Variants in LRRC20 observed in about 807,000 individuals in gnomAD.
LRRC20 encodes leucine rich repeat containing 20.
A neutral mutation model predicts 14.4 loss-of-function variants in LRRC20; 11 were observed. The observed-to-expected ratio is 0.77, with a 90% CI of 0.48 to 1.27. The LOEUF is 1.27. Among genes scored for constraint, LRRC20 ranks in the 50% most tolerant of loss-of-function variants. LRRC20 has a pLI of 0.00. For missense variants in LRRC20, 219 were observed against 251.2 expected, an observed-to-expected ratio of 0.87 and a Z score of 0.87; for synonymous variants, 121 against 107.3, an observed-to-expected ratio of 1.13 and a Z score of -0.79.
intron 4 of LRRC20, among the ~76,000 whole-genome samples, chr10:70,311,839 C>G (rs1157205251): frequency 1.3e-5 from 2 of 152,210 alleles, no homozygotes; most frequent in African/African-American, 4.8e-5. Flanking sequence ...GGACTCCCAC[C>G]TATGTCTGTG....
chr10:70,365,309 C>T (rs1843940425), intron 2 of LRRC20, among the ~76,000 whole-genome samples: 3 of 152,284 alleles, frequency 2.0e-5, no homozygotes, highest in African/African-American at 4.8e-5. Flanking sequence ...CCACCCACCT[C>T]GGCCTCCCAA....
chr10:70,324,438 C>G (rs1407332078), intron 3 of LRRC20, among the ~76,000 whole-genome samples: 1 of 152,264 alleles, frequency 6.6e-6, no homozygotes, highest in Non-Finnish European at 1.5e-5. Flanking sequence ...GGGGACACCA[C>G]TCTCCATGGC....
rs536057074 is a variant in LRRC20, at chr10:70,324,131, G to A, written c.233-101C>T. On this transcript the variant is annotated intron_variant, in intron 3 of 4. Transcript: ENST00000446961. ...GCTCTCACCCTGCCTGGGCCAGGAAGGCACAGAGGAAGCCCTAGGCCACAG... is the reference window on the plus strand; with the variant it reads ...GCTCTCACCCTGCCTGGGCCAGGAAAGCACAGAGGAAGCCCTAGGCCACAG... 9 of 1,110,196 alleles carry A rather than the reference G, an allele frequency of 8.1e-6. No individual in the cohort carries two copies. The African/African-American group carries it at 1.1e-4, about 13-fold the overall frequency. 68.8% of individuals were successfully genotyped at this position (1,110,196 alleles called of 1,614,324 possible).
At chr10:70,315,456 C>T (rs1459934763) in intron 4 of LRRC20, among the ~76,000 whole-genome samples, 1 of 152,210 alleles carries the variant, frequency 6.6e-6, no homozygotes, top group Non-Finnish European at 1.5e-5. Flanking sequence ...GAAAGTCACA[C>T]AGCACAAGAT....
At chr10:70,330,651 C>A (rs150256495) in intron 3 of LRRC20, among the ~76,000 whole-genome samples, 145 of 152,242 alleles carry the variant, frequency 9.5e-4, no homozygotes, top group African/African-American at 3.4e-3. Flanking sequence ...CACAGAAAGG[C>A]CTTGAATTAG....
At chr10:70,382,016 G>C (rs916991358) in intron 1 of LRRC20, 1 of 152,260 alleles carries the variant, frequency 6.6e-6, no homozygotes, top group South Asian at 2.1e-4. Flanking sequence ...CCGCTGGCCC[G>C]GCAGGCGGGG....
chr10:70,319,309 T>C (rs938529677), intron 4 of LRRC20, among the ~76,000 whole-genome samples: 3 of 152,152 alleles, frequency 2.0e-5, no homozygotes, highest in African/African-American at 7.2e-5. Context: ...CACCCTCACA[T>C]GTTCCAGGAT....
intron 3 of LRRC20, among the ~76,000 whole-genome samples, chr10:70,329,692 G>A (rs184629542): frequency 6.6e-6 from 1 of 151,862 alleles, no homozygotes; most frequent in Non-Finnish European, 1.5e-5. Flanking sequence ...CTCCCGAGTA[G>A]CTGGGATTAC....
At chr10:70,362,221 A>C (rs116071360) in intron 2 of LRRC20, among the ~76,000 whole-genome samples, 1,831 of 152,350 alleles carry the variant, frequency 0.012, 49 homozygotes, top group African/African-American at 0.042. Flanking sequence ...GCCTTAAAGT[A>C]TAAGAAGGGC....
intron 1 of LRRC20, among the ~76,000 whole-genome samples, chr10:70,377,811 A>G (rs529922034): frequency 1.5e-3 from 233 of 152,374 alleles, no homozygotes; most frequent in African/African-American, 5.3e-3. Flanking sequence ...TCAGGGAGTT[A>G]CTGTGAGTTT....
chr10:70,323,857 A>C lies in LRRC20; in HGVS notation c.400+6T>G. The C allele has an allele frequency of 1.2e-6, 2 of 1,613,862 alleles. No homozygotes were observed. Among genetic ancestry groups the C allele is most frequent in the Non-Finnish European group, 1.7e-6 (2 of 1,179,916 alleles). On this transcript the variant is annotated splice_donor_region_variant and intron_variant, in intron 4 of 4. Coordinates refer to ENST00000446961, the MANE Select transcript of LRRC20 (RefSeq NM_001278212.2). ...GCCCAGGGCCAGGTGGGCCAGGCCC[A>C]CTCACCTACGATCTCGTTCTCCTCC...
chr10:70,309,938 G>T (rs1316078080), intron 4 of LRRC20, among the ~76,000 whole-genome samples: 3 of 152,252 alleles, frequency 2.0e-5, no homozygotes, highest in African/African-American at 7.2e-5. Context: ...GTCTCGGCTT[G>T]CTGTTTCCAC....
chr10:70,362,270 AG>A (rs1221354196), intron 2 of LRRC20, among the ~76,000 whole-genome samples: 7 of 152,252 alleles, frequency 4.6e-5, no homozygotes, highest in Admixed American at 4.6e-4. Flanking sequence ...TCCCAGGCAA[AG>A]GGAACAGTAT....
chr10:70,301,592 C>G, intron 4 of LRRC20, 84 bp from the exon 5 acceptor site: 2 of 1,495,150 alleles, frequency 1.3e-6, no homozygotes, highest in Non-Finnish European at 9.1e-7. Flanking sequence ...GGACTCTGAG[C>G]ACCTGATGGT....
chr10:70,353,778 A>T lies in LRRC20; in HGVS notation c.83-13076T>A, dbSNP rs567972616. ...AGGGTTTGCTCCTAACCACCATGCT[A>T]CACTGCCTCCCTAGAATATGTAACC... is the stretch of plus-strand genomic sequence containing the variant. On this transcript the variant is annotated intron_variant, in intron 2 of 4. Coordinates refer to ENST00000446961, the MANE Select transcript of LRRC20 (RefSeq NM_001278212.2). 1.9e-3 allele frequency among the ~76,000 whole-genome samples: 284 copies of T among 152,270 alleles called. 1 individual carries two copies. Among genetic ancestry groups the T allele is most frequent in the African/African-American group, 6.5e-3 (270 of 41,546 alleles).
chr10:70,367,236 G>A (rs1374587451), intron 2 of LRRC20, among the ~76,000 whole-genome samples: 1 of 149,966 alleles, frequency 6.7e-6, no homozygotes, highest in Non-Finnish European at 1.5e-5. Context: ...GAGGTGGGAG[G>A]ACGCTTGAGC....
At chr10:70,367,996 T>TGTTATGTTATGTTATG (rs71009296) in intron 2 of LRRC20, among the ~76,000 whole-genome samples, 202 of 148,490 alleles carry the variant, frequency 1.4e-3, no homozygotes, top group East Asian at 2.0e-3. Context: ...TGTTATGTTA[T>TGTTATGTTATGTTATG]TTTTTGAGAT....
chr10:70,373,450 G>A (rs1844387700), intron 2 of LRRC20, among the ~76,000 whole-genome samples: 1 of 152,168 alleles, frequency 6.6e-6, no homozygotes, highest in Non-Finnish European at 1.5e-5. Flanking sequence ...CAAGCAACTA[G>A]TATACAGCAG....
At chr10:70,366,836 G>T (rs10999300) in intron 2 of LRRC20, among the ~76,000 whole-genome samples, 82,931 of 152,040 alleles carry the variant, frequency 0.55, 23,718 homozygotes, top group Non-Finnish European at 0.63. Flanking sequence ...TGTACTATAA[G>T]TAATCTAGAA....
Sources: gnomAD v4.1 joint callset for allele counts (sites outside exome capture counted in the v4.1 genomes callset) on GRCh38, gnomAD v4.1.1 for gene constraint, MANE v1.5 for transcripts, NCBI Gene and HGNC (gene_info 2026-07-23, HGNC 2026-07-21) for gene names.